Variants in NSD2 observed in about 807,000 individuals in gnomAD.
NSD2 encodes nuclear receptor binding SET domain protein 2.
In NSD2, 12 loss-of-function variants were observed where a neutral mutation model predicts 139.0. The observed-to-expected ratio is 0.09, with a 90% confidence interval of 0.06 to 0.14. The LOEUF is 0.14. Ranked by LOEUF, NSD2 falls within the 10% of genes least tolerant of loss-of-function variation. The pLI, the probability that NSD2 is intolerant of heterozygous loss-of-function variation, is 1.00. For synonymous variants in NSD2, 669 were observed against 648.7 expected (o/e 1.03, Z -0.48); for missense variants, 1,155 against 1,745.0 (o/e 0.66, Z 6.02).
chr4:1,960,574 C>G (rs80330542), intron 17 of NSD2, among the ~76,000 whole-genome samples: 2 of 152,230 alleles, frequency 1.3e-5, no homozygotes, highest in Admixed American at 1.3e-4. Flanking sequence ...GTTCATAAGC[C>G]TGGTGCCAGT....
At chr4:1,967,492 C>T (rs1206782734) in intron 18 of NSD2, among the ~76,000 whole-genome samples, 1 of 151,858 alleles carries the variant, frequency 6.6e-6, no homozygotes, top group Non-Finnish European at 1.5e-5. Context: ...GCAGGAGAAT[C>T]GCTTGAACCT....
intron 3 of NSD2, among the ~76,000 whole-genome samples, chr4:1,915,741 A>T (rs909825056): frequency 1.3e-5 from 2 of 152,050 alleles, no homozygotes; most frequent in Admixed American, 6.5e-5. Flanking sequence ...TAATTGGGGG[A>T]ATCTCCAGAA....
intron 9 of NSD2, chr4:1,941,279 G>A (rs1268693922): frequency 1.6e-5 from 17 of 1,056,810 alleles, no homozygotes; most frequent in Admixed American, 1.1e-4. Flanking sequence ...GAGTTTTTCT[G>A]TTATCATAAT....
intron 18 of NSD2, among the ~76,000 whole-genome samples, chr4:1,969,954 C>A (rs1021815781): frequency 1.3e-5 from 2 of 152,122 alleles, no homozygotes; most frequent in South Asian, 4.1e-4. Flanking sequence ...TCAAGGAACA[C>A]ACTAGAGAGT....
chr4:1,938,387 CCTTTTTTTCTTTTCTT>C, intron 7 of NSD2, 48 bp from the exon 8 acceptor site: 1 of 1,092,324 alleles, frequency 9.2e-7, no homozygotes, highest in Non-Finnish European at 1.2e-6. Context: ...CTTTTTTTTT[CCTTTTTTTCTTTTCTT>C]TTTTTTTTCT....
chr4:1,921,748 C>T (rs968581111), intron 5 of NSD2, among the ~76,000 whole-genome samples: 1 of 148,118 alleles, frequency 6.8e-6, no homozygotes, highest in African/African-American at 2.5e-5. Flanking sequence ...CGCCAATGCA[C>T]TCCAGCCTGG....
At chr4:1,957,450 ATTTTTTT>A (rs57804419) in intron 15 of NSD2, among the ~76,000 whole-genome samples, 4 of 135,636 alleles carry the variant, frequency 2.9e-5, no homozygotes, top group Non-Finnish European at 4.8e-5. Context: ...TGCCTGGCTA[ATTTTTTT>A]TTTTTTTTTT....
chr4:1,959,803 A>G (rs544817640), intron 17 of NSD2, 63 bp downstream of exon 17: 92 of 1,581,610 alleles, frequency 5.8e-5, no homozygotes, highest in Middle Eastern at 3.5e-4. Context: ...AATTAGGCCT[A>G]GGTTTGCTTG....
At chr4:1,927,198 T>G (rs1165674174) in intron 5 of NSD2, among the ~76,000 whole-genome samples, 12 of 152,172 alleles carry the variant, frequency 7.9e-5, no homozygotes. Context: ...GGGCTGGCTT[T>G]CTCCAGAGTA....
intron 5 of NSD2, among the ~76,000 whole-genome samples, chr4:1,927,095 C>T (rs1432345668): frequency 6.6e-6 from 1 of 152,156 alleles, no homozygotes; most frequent in Non-Finnish European, 1.5e-5. Flanking sequence ...TTCCAGGGTA[C>T]CTTCTCTCAC....
intron 11 of NSD2, chr4:1,952,626 A>C (rs940548866): frequency 3.5e-6 from 3 of 850,616 alleles, no homozygotes; most frequent in Middle Eastern, 5.2e-4. Flanking sequence ...ACTGAAGTCC[A>C]TAGGAACATG....
intron 3 of NSD2, among the ~76,000 whole-genome samples, chr4:1,916,507 G>A (rs750888027): frequency 6.6e-6 from 1 of 152,146 alleles, no homozygotes; most frequent in Admixed American, 6.5e-5. Context: ...CACCACACCC[G>A]GCTAATTTTT....
At chr4:1,896,143 A>C (rs957197200) in intron 1 of NSD2, among the ~76,000 whole-genome samples, 5 of 152,222 alleles carry the variant, frequency 3.3e-5, no homozygotes, top group African/African-American at 1.2e-4. Context: ...GCAGCTCCAC[A>C]CTTGGTGCTC....
At chr4:1,934,499 T>C (rs1722068855) in intron 6 of NSD2, among the ~76,000 whole-genome samples, 2 of 149,062 alleles carry the variant, frequency 1.3e-5, no homozygotes, top group African/African-American at 4.9e-5. Context: ...ATCTCAAAAA[T>C]AAATAAATAG....
At chr4:1,918,762 T>C in intron 5 of NSD2, 139 bp downstream of exon 5, 2 of 1,222,570 alleles carry the variant, frequency 1.6e-6, no homozygotes, top group Non-Finnish European at 2.2e-6. Flanking sequence ...AATAAATAAG[T>C]ATTAGGGAAC....
rs917196718 is a variant in NSD2, at chr4:1,900,663, T to G, written c.9T>G (p.Phe3Leu). 3 of 1,578,210 alleles carry G rather than the reference T, an allele frequency of 1.9e-6. No homozygotes were observed. Among genetic ancestry groups the G allele is most frequent in the East Asian group, 2.3e-5 (1 of 44,396 alleles). Reference sequence around the variant, plus strand: ...GGAAGCATCTGGGCTGGATGGAATTTAGCATCAAGCAGAGTCCCCTTTCTG... The same window carrying G: ...GGAAGCATCTGGGCTGGATGGAATTGAGCATCAAGCAGAGTCCCCTTTCTG... ME[F>L]SIKQSPLSVQ... Residue 3 changes from phenylalanine (F) to leucine (L), a missense_variant, in exon 2 of 22, where the codon TTT (phenylalanine) becomes TTG (leucine). By Grantham distance (22) the Phe-to-Leu change is conservative. Around this residue, in one of 8 missense-constraint regions of NSD2, gnomAD observed 246 missense variants for 262.8 expected, o/e 0.94. Transcript: ENST00000508803.
At position 1,871,488 on chromosome 4, in the gene NSD2, C is replaced by T. The variant is rs1294887981; in HGVS notation, c.-84C>T. On this transcript the variant is annotated 5_prime_UTR_variant, in exon 1 of 22. Transcript: ENST00000508803. ...GCCCTACCGCCGCACGGCCCCGGCC[C>T]CCTCCCAGCCTGCCGCTCCGGAGAG... The T allele has an allele frequency of 6.6e-6, 1 of 150,550 alleles. No individual in the cohort carries two copies. The highest frequency in any genetic ancestry group is 1.8e-4 in the South Asian group (1 of 5,624). 9.3% of individuals were successfully genotyped at this position (150,550 alleles called of 1,614,324 possible).
intron 9 of NSD2, chr4:1,943,441 CATTCT>C: frequency 9.6e-7 from 1 of 1,044,380 alleles, no homozygotes; most frequent in Non-Finnish European, 1.2e-6. Flanking sequence ...AAATTGCCAT[CATTCT>C]ATTTTTATCC....
At chr4:1,927,747 AAAG>A (rs1158946711) in intron 5 of NSD2, among the ~76,000 whole-genome samples, 2 of 148,042 alleles carry the variant, frequency 1.4e-5, no homozygotes, top group Non-Finnish European at 3.0e-5. Context: ...AAAAAAAAAA[AAAG>A]CCGTGTAGGG....
Sources: allele counts gnomAD v4.1 joint callset (sites outside exome capture counted in the v4.1 genomes callset), GRCh38; gene constraint gnomAD v4.1.1; regional missense constraint gnomAD v4.1.1; transcripts MANE v1.5; gene names NCBI Gene and HGNC (gene_info 2026-07-23, HGNC 2026-07-21).